DRP2: variants seen among roughly 807,000 people sequenced by gnomAD.
The protein encoded by DRP2 is dystrophin related protein 2, also known as dystrophin-related protein 2.
Under a neutral mutation model 78.2 loss-of-function variants are expected in DRP2, and 29 were observed. The ratio of observed to expected loss-of-function variants is 0.37; its 90% CI spans 0.28 to 0.51. The LOEUF (loss-of-function observed/expected upper bound fraction) is 0.51, where lower values mean the gene tolerates loss of function less well. DRP2 is among the 20% of genes least tolerant of loss of function. The pLI is 0.94. For synonymous variants in DRP2, 290 were observed against 281.9 expected (o/e 1.03, Z -0.29); for missense variants, 686 against 770.6 (o/e 0.89, Z 1.30).
At chrX:101,257,268 G>A (rs1470046023) in intron 21 of DRP2, among the ~76,000 whole-genome samples, 1 of 108,022 alleles carries the variant, frequency 9.3e-6, no homozygotes, top group Non-Finnish European at 1.9e-5. Flanking sequence ...GTCTGGGTGG[G>A]GCCTGAGTTT....
At chrX:101,250,398 C>T (rs773383286) in intron 14 of DRP2, 25 bp from the exon 15 acceptor site, 7 of 1,208,988 alleles carry the variant, frequency 5.8e-6, no homozygotes, top group Non-Finnish European at 7.8e-6. Context: ...TCGGGGTTGG[C>T]CATTCTTGAC....
Position 101,254,428 on chromosome X carries a change from A to G in DRP2, c.1981A>G (p.Thr661Ala). The part of the protein sequence containing the change: ...YPIMEYYTPT[T>A]SSENMRDFAT... ...CTCTGCCCTGTCTCCTCCTCAGACC[A>G]CATCCAGTGAGAACATGAGGGACTT... is the stretch of plus-strand genomic sequence containing the variant. Residue 661 changes from threonine to alanine, a missense_variant, in exon 18 of 24, where the codon ACA becomes GCA. Transcript: ENST00000395209. The G allele has an allele frequency of 1.7e-6, 2 of 1,211,883 alleles. No individual in the cohort carries two copies. The highest frequency in any genetic ancestry group is 1.8e-5 in the South Asian group (1 of 56,958).
Position 101,262,159 on chromosome X carries a change from T to A in DRP2, c.*1538T>A, listed in dbSNP as rs1233609973. 9.0e-6 allele frequency: 1 copy of A among 111,484 alleles called. No individual in the cohort carries two copies. The highest frequency in any genetic ancestry group is 1.9e-5 in the Non-Finnish European group (1 of 53,083). The allele number at this position is 111,484 out of a possible 1,213,427, so 9.2% of individuals were successfully genotyped here. A position where few individuals can be genotyped will look rare whatever the true frequency, so the allele number is the denominator to read the frequency against. On this transcript the variant is annotated 3_prime_UTR_variant, in exon 24 of 24. Transcript: ENST00000395209. The stretch of plus-strand genomic sequence containing the variant: ...GTATCCTGGCTGTTCCCCTAGGATA[T>A]CTCTCTCCATTGATGTTTGGGGTGG...
intron 17 of DRP2, among the ~76,000 whole-genome samples, chrX:101,253,930 A>T (rs1393192824): frequency 9.0e-6 from 1 of 111,308 alleles, no homozygotes; most frequent in Non-Finnish European, 1.9e-5. Flanking sequence ...AAGCTATTTT[A>T]AAAATTAACA....
Position 101,241,851 on chromosome X carries a change from G to A in DRP2, c.743G>A (p.Ser248Asn), listed in dbSNP as rs2147341082. Residue 248 changes from serine to asparagine, a missense_variant, in exon 7 of 24, where the codon AGC (serine) becomes AAC (asparagine). Physicochemically the swap from Ser to Asn is conservative, Grantham distance 46. Coordinates refer to ENST00000395209, the MANE Select transcript of DRP2 (RefSeq NM_001939.3). ...GAMEELSTTLSQAEGVRATWE... is the reference protein window; with the variant it reads ...GAMEELSTTLNQAEGVRATWE... Reference sequence around the variant, plus strand: ...ATGGAGGAACTAAGCACTACTCTGAGCCAAGCTGAGGGAGTCCGAGCCACT... The same window carrying A: ...ATGGAGGAACTAAGCACTACTCTGAACCAAGCTGAGGGAGTCCGAGCCACT... 1 of 1,195,145 alleles carries A rather than the reference G, an allele frequency of 8.4e-7. No individual in the cohort carries two copies. The highest frequency in any genetic ancestry group is 1.1e-6 in the Non-Finnish European group (1 of 887,216).
intron 9 of DRP2, among the ~76,000 whole-genome samples, chrX:101,243,441 C>G (rs1227771896): frequency 9.5e-6 from 1 of 105,575 alleles, no homozygotes; most frequent in African/African-American, 3.5e-5. Flanking sequence ...TCGGAGAGAT[C>G]TGGGTCTGAG....
intron 6 of DRP2, among the ~76,000 whole-genome samples, chrX:101,239,856 C>T: frequency 9.0e-6 from 1 of 111,602 alleles, no homozygotes; most frequent in African/African-American, 3.3e-5. Flanking sequence ...GGATTACAGG[C>T]GTGAGCCACC....
rs1396209089 is a variant in DRP2, at chrX:101,251,069, C to T, written c.1851C>T (p.Pro617=). The change falls in exon 16 of 24, where the codon CCC becomes CCT. Residue 617 remains proline, a synonymous_variant. Coordinates refer to ENST00000395209, the MANE Select transcript of DRP2 (RefSeq NM_001939.3). ...AGTGCTCTATCTGTAGGCAGTGCCC[C>T]ATCAAGGGGTTCAGGTAGGGAAAAC... ...QTKCSICRQC[P]IKGFRYRSLK... 1.7e-6 allele frequency: 2 copies of T among 1,207,407 alleles called. No individual in the cohort carries two copies. Among genetic ancestry groups the T allele is most frequent in the Admixed American group, 4.4e-5 (2 of 45,522 alleles).
intron 3 of DRP2, among the ~76,000 whole-genome samples, chrX:101,235,241 CTGCTCATCTTTA>C (rs1204442794): frequency 8.9e-6 from 1 of 112,269 alleles, no homozygotes; most frequent in African/African-American, 3.2e-5. Context: ...TCAGAGTCCT[CTGCTCATCTTTA>C]TGAGCAGTTC....
At chrX:101,220,929 C>T (rs1921872349) in intron 1 of DRP2, among the ~76,000 whole-genome samples, 2 of 111,770 alleles carry the variant, frequency 1.8e-5, no homozygotes, top group African/African-American at 6.5e-5. Context: ...AGTCCAACAC[C>T]CTATCACCTT....
chrX:101,254,961 T>C, intron 19 of DRP2, 37 bp downstream of exon 19: 1 of 1,204,816 alleles, frequency 8.3e-7, no homozygotes, highest in Non-Finnish European at 1.1e-6. Context: ...TAGGAGCTGT[T>C]GTAGGAAGTC....
chrX:101,245,241 G>A, intron 10 of DRP2, 147 bp from the exon 11 acceptor site: 1 of 809,060 alleles, frequency 1.2e-6, no homozygotes, highest in Non-Finnish European at 1.8e-6. Flanking sequence ...TTGGGTAAAG[G>A]TGAACCCTTG....
rs373450936 is a variant in DRP2 at position 101,254,505 on chromosome X, C to A, written c.2058C>A (p.His686Gln). 1 of 1,210,569 alleles carries A rather than the reference C, an allele frequency of 8.3e-7. No homozygotes were observed. Among genetic ancestry groups the A allele is most frequent in the Non-Finnish European group, 1.1e-6 (1 of 895,376 alleles). The part of the protein sequence containing the change: ...KFRSKHYFSK[H>Q]PQRGYLPVQS... ...GCTCCAAGCATTATTTCAGCAAACA[C>A]CCTCAGCGAGGTTATCTGCCTGTGC... is the stretch of plus-strand genomic sequence containing the variant. The change falls in exon 18 of 24, where the codon CAC becomes CAA. Residue 686 changes from histidine to glutamine, a missense_variant. This residue lies in a region of DRP2 where 423 missense variants were observed against 531.5 expected (regional missense o/e 0.80). Coordinates refer to ENST00000395209, the MANE Select transcript of DRP2 (RefSeq NM_001939.3).
chrX:101,252,489 C>A (rs917074517), intron 16 of DRP2, 116 bp from the exon 17 acceptor site: 2 of 554,073 alleles, frequency 3.6e-6, no homozygotes, highest in Non-Finnish European at 6.1e-6. Flanking sequence ...TGTTATGGCT[C>A]CATGCCTCAT....
intron 16 of DRP2, 28 bp from the exon 17 acceptor site, chrX:101,252,577 T>C: frequency 8.5e-7 from 1 of 1,181,338 alleles, no homozygotes; most frequent in Non-Finnish European, 1.2e-6. Context: ...TTGGACTCTC[T>C]TTCCTACTAC....
chrX:101,232,961 A>G (rs1161338313), intron 3 of DRP2, among the ~76,000 whole-genome samples: 1 of 112,258 alleles, frequency 8.9e-6, no homozygotes, highest in East Asian at 2.8e-4. Flanking sequence ...CTTTCCTGCA[A>G]CCTTTTTCTC....
chrX:101,227,553 G>A (rs1165432513), intron 2 of DRP2, among the ~76,000 whole-genome samples: 3 of 111,647 alleles, frequency 2.7e-5, no homozygotes, highest in Non-Finnish European at 3.8e-5. Context: ...AACTTTACTA[G>A]GTTGTACTGA....
intron 9 of DRP2, among the ~76,000 whole-genome samples, chrX:101,243,485 CAA>C (rs571913059): frequency 5.0e-5 from 5 of 100,479 alleles, no homozygotes; most frequent in Non-Finnish European, 6.1e-5. Context: ...TGTGCAGGCT[CAA>C]AAAAAAAAAT....
At chrX:101,235,729 A>T in intron 3 of DRP2, 131 bp from the exon 4 acceptor site, 1 of 648,850 alleles carries the variant, frequency 1.5e-6, no homozygotes, top group Non-Finnish European at 2.3e-6. Flanking sequence ...CTGAACACAC[A>T]GAGAATAGCA....
Sources: gnomAD v4.1 joint callset for allele counts (sites outside exome capture counted in the v4.1 genomes callset) on GRCh38, gnomAD v4.1.1 for gene constraint, gnomAD v4.1.1 regional missense constraint, MANE v1.5 for transcripts, NCBI Gene and HGNC (gene_info 2026-07-23, HGNC 2026-07-21) for gene names.